Variants in GPALPP1 observed in about 807,000 individuals in gnomAD.
GPALPP1 encodes GPALPP motifs containing 1.
A neutral mutation model predicts 38.9 loss-of-function variants in GPALPP1; 30 were observed. The observed-to-expected ratio is 0.77, with a 90% confidence interval of 0.58 to 1.05. The LOEUF is 1.05. Among genes scored for constraint, GPALPP1 ranks in the 50% least tolerant of loss-of-function variants. The pLI, the probability that GPALPP1 is intolerant of heterozygous loss-of-function variation, is 0.00. For missense variants in GPALPP1, 384 were observed against 408.8 expected, an observed-to-expected ratio of 0.94 and a Z score of 0.52; for synonymous variants, 120 against 139.2, an observed-to-expected ratio of 0.86 and a Z score of 0.97.
intron 1 of GPALPP1, 78 bp downstream of exon 1, chr13:44,989,820 G>A: frequency 9.1e-7 from 1 of 1,104,568 alleles, no homozygotes; most frequent in Non-Finnish European, 1.3e-6. Flanking sequence ...GAAGAAAGTC[G>A]GAGGCCTAGG....
Position 45,029,472 on chromosome 13 carries a change from T to G in GPALPP1, c.*1469T>G, listed in dbSNP as rs1449407000. The G allele has an allele frequency of 1.3e-5, 2 of 152,234 alleles. No homozygotes were observed. Among genetic ancestry groups the G allele is most frequent in the African/African-American group, 4.8e-5 (2 of 41,456 alleles). The allele number at this position is 152,234 out of a possible 1,614,324, so 9.4% of individuals were successfully genotyped here. On this transcript the variant is annotated 3_prime_UTR_variant, in exon 8 of 8. Transcript: ENST00000379151. ...TGTGGAAGTATGGGGAATTATGGGC[T>G]TTTCTTCAAATAATTATTTTAAGAG...
At chr13:45,032,206 C>A (rs1876231851), downstream of GPALPP1, 2 of 151,664 alleles carry the variant, frequency 1.3e-5, no homozygotes, top group Admixed American at 1.3e-4. Flanking sequence ...GACTGCCTTA[C>A]CAGATAAATG....
At chr13:45,011,634 T>G (rs1415436191) in intron 4 of GPALPP1, among the ~76,000 whole-genome samples, 3 of 152,166 alleles carry the variant, frequency 2.0e-5, no homozygotes, top group Non-Finnish European at 2.9e-5. Context: ...ATGATTGAAT[T>G]ATCTCCACCT....
intron 1 of GPALPP1, among the ~76,000 whole-genome samples, chr13:44,998,766 G>A (rs959899384): frequency 2.6e-5 from 4 of 152,158 alleles, no homozygotes; most frequent in African/African-American, 9.7e-5. Flanking sequence ...ACCATGTCAT[G>A]GGGTCAGCAA....
At chr13:45,031,021 T>C (rs1363600040), downstream of GPALPP1, 1 of 152,198 alleles carries the variant, frequency 6.6e-6, no homozygotes, top group Non-Finnish European at 1.5e-5. Flanking sequence ...TCGGGCCTGG[T>C]GGCGGGTGCC....
intron 1 of GPALPP1, among the ~76,000 whole-genome samples, chr13:44,991,742 A>G (rs1482288921): frequency 6.6e-6 from 1 of 152,226 alleles, no homozygotes; most frequent in Non-Finnish European, 1.5e-5. Flanking sequence ...TATTACCTGC[A>G]TCACCACCCC....
At chr13:45,010,695 T>G (rs1874406803) in intron 4 of GPALPP1, among the ~76,000 whole-genome samples, 1 of 152,164 alleles carries the variant, frequency 6.6e-6, no homozygotes, top group Non-Finnish European at 1.5e-5. Context: ...TGAGAAAAAG[T>G]CTTTTTCAGC....
In GPALPP1 at chr13:45,004,326, C is replaced by A. The variant is rs778253413; in HGVS notation, c.110C>A (p.Pro37His). 6.2e-7 allele frequency: 1 copy of A among 1,612,062 alleles called. No homozygotes were observed. ...TTAGTTGCAGGACCAGCTCTGCCCC[C>A]TAATTATAAAAGCAGTAGTTCAGAT... is the stretch of plus-strand genomic sequence containing the variant. ...PSPVAGPALP[P>H]NYKSSSSDSS... is the part of the protein sequence containing the mutation. Residue 37 changes from proline (P) to histidine (H), a missense_variant, in exon 2 of 8, where the codon CCT becomes CAT. By Grantham distance (77) the Pro-to-His change is moderately conservative. Transcript: ENST00000379151.
At position 44,990,020 on chromosome 13, in the gene GPALPP1, A is replaced by C; in HGVS notation, c.88+278A>C. ...ACGCTGCCCTAACTGACTGATACCC[A>C]CTCAGTCATTTAAGCCGTATAAGAA... On this transcript the variant is annotated intron_variant, in intron 1 of 7. Transcript: ENST00000379151. The C allele has an allele frequency of 9.5e-6, 5 of 529,004 alleles. No individual in the cohort carries two copies. The South Asian group carries it at 1.1e-4, about 12-fold the overall frequency. The allele number at this position is 529,004 out of a possible 1,614,324, so 32.8% of individuals were successfully genotyped here.
intron 6 of GPALPP1, among the ~76,000 whole-genome samples, chr13:45,018,937 A>G (rs1355557967): frequency 7.3e-6 from 1 of 137,568 alleles, no homozygotes; most frequent in Non-Finnish European, 1.5e-5. Flanking sequence ...ATAAATATAT[A>G]CATATAAATA....
intron 1 of GPALPP1, among the ~76,000 whole-genome samples, chr13:44,996,810 C>CTTTTT (rs1566072232): frequency 1.2e-5 from 1 of 86,412 alleles, no homozygotes; most frequent in African/African-American, 4.7e-5. Context: ...TTTTTTTTTT[C>CTTTTT]CAGTTTTTAA....
chr13:45,029,079 GAAGAA>G lies in GPALPP1; in HGVS notation c.*1083_*1087del, dbSNP rs1876050527. On this transcript the variant is annotated 3_prime_UTR_variant, in exon 8 of 8. Coordinates refer to ENST00000379151, the MANE Select transcript of GPALPP1 (RefSeq NM_018559.5). The stretch of plus-strand genomic sequence containing the variant: ...CTGTCTCAAAAAAGAAAGAAAAAGA[GAAGAA>G]AAGAAATTACATAAAAGCTGAGGTT... The G allele has an allele frequency of 6.6e-6, 1 of 151,954 alleles. No individual in the cohort carries two copies. The highest frequency in any genetic ancestry group is 2.1e-4 in the South Asian group (1 of 4,816). 9.4% of individuals were successfully genotyped at this position (151,954 alleles called of 1,614,324 possible). A position where few individuals can be genotyped will look rare whatever the true frequency, so the allele number is the denominator to read the frequency against.
At chr13:45,021,189 T>TA (rs1320510165) in intron 7 of GPALPP1, among the ~76,000 whole-genome samples, 1 of 152,202 alleles carries the variant, frequency 6.6e-6, no homozygotes, top group Admixed American at 6.5e-5. Context: ...AGAATAAATG[T>TA]AAATTACTGA....
At chr13:45,022,123 G>C (rs557954828) in intron 7 of GPALPP1, among the ~76,000 whole-genome samples, 2 of 152,162 alleles carry the variant, frequency 1.3e-5, no homozygotes, top group African/African-American at 2.4e-5. Flanking sequence ...CAATAAAAAG[G>C]AACACATTAC....
intron 6 of GPALPP1, among the ~76,000 whole-genome samples, chr13:45,015,836 G>T (rs1874827822): frequency 6.6e-6 from 1 of 152,048 alleles, no homozygotes; most frequent in Non-Finnish European, 1.5e-5. Context: ...TGAGACATAG[G>T]TATAATGGCC....
rs1277103581 is a variant in GPALPP1 at position 44,989,650 on chromosome 13, C to G, written c.-5C>G. The G allele has an allele frequency of 6.2e-7, 1 of 1,611,216 alleles. No individual in the cohort carries two copies. Among genetic ancestry groups the G allele is most frequent in the Non-Finnish European group, 8.5e-7 (1 of 1,178,214 alleles). On this transcript the variant is annotated 5_prime_UTR_variant, in exon 1 of 8. Coordinates refer to ENST00000379151, the MANE Select transcript of GPALPP1 (RefSeq NM_018559.5). ...CATATCTGTGACCAGTGTCCGCCAC[C>G]GCGGATGGCAAGAGACCTGATCGGA...
Position 45,030,017 on chromosome 13 carries a change from C to T in GPALPP1, c.*2014C>T, listed in dbSNP as rs1876114166. 1 of 150,800 alleles carries T rather than the reference C, an allele frequency of 6.6e-6. No individual in the cohort carries two copies. The highest frequency in any genetic ancestry group is 1.5e-5 in the Non-Finnish European group (1 of 67,888). The allele number at this position is 150,800 out of a possible 1,614,324, so 9.3% of individuals were successfully genotyped here. The stretch of plus-strand genomic sequence containing the variant: ...TTTGCTTTGGGACAACTTTACTTTA[C>T]CCATTTATATGCTGTACTTAACAGT... On this transcript the variant is annotated 3_prime_UTR_variant, in exon 8 of 8. Transcript: ENST00000379151.
chr13:44,996,784 C>CTTTTT (rs770919969), intron 1 of GPALPP1, among the ~76,000 whole-genome samples: 60 of 80,354 alleles, frequency 7.5e-4, no homozygotes, highest in African/African-American at 1.8e-3. Context: ...TGCCCAGCCT[C>CTTTTT]TTTTTTTTTT....
chr13:45,004,331 T>C lies in GPALPP1; in HGVS notation c.115T>C (p.Tyr39His). The C allele has an allele frequency of 6.2e-7, 1 of 1,612,072 alleles. No homozygotes were observed. Among genetic ancestry groups the C allele is most frequent in the Non-Finnish European group, 8.5e-7 (1 of 1,178,412 alleles). Residue 39 changes from tyrosine to histidine, a missense_variant, in exon 2 of 8, where the codon TAT (tyrosine) becomes CAT (histidine). Coordinates refer to ENST00000379151, the MANE Select transcript of GPALPP1 (RefSeq NM_018559.5). ...TGCAGGACCAGCTCTGCCCCCTAAT[T>C]ATAAAAGCAGTAGTTCAGATTCATC... Reference protein sequence around the residue: ...PVAGPALPPNYKSSSSDSSDS... With the variant: ...PVAGPALPPNHKSSSSDSSDS...
Sources: gnomAD v4.1 joint callset for allele counts (sites outside exome capture counted in the v4.1 genomes callset) on GRCh38, gnomAD v4.1.1 for gene constraint, MANE v1.5 for transcripts, NCBI Gene and HGNC (gene_info 2026-07-23, HGNC 2026-07-21) for gene names.